Variants in G3BP2 observed in about 807,000 individuals in gnomAD.
G3BP2 encodes the protein ras GTPase-activating protein-binding protein 2.
A neutral mutation model predicts 56.7 loss-of-function variants in G3BP2; 11 were observed. That is an observed-to-expected ratio of 0.19 (90% CI 0.12 to 0.32). The LOEUF (loss-of-function observed/expected upper bound fraction) is 0.32, where lower values mean the gene tolerates loss of function less well. Ranked by LOEUF, G3BP2 falls within the 10% of genes least tolerant of loss-of-function variation. The pLI, the probability that G3BP2 is intolerant of heterozygous loss-of-function variation, is 1.00. For synonymous variants in G3BP2, 165 were observed against 191.6 expected, an observed-to-expected ratio of 0.86 and a Z score of 1.15; for missense variants, 340 against 610.9, an observed-to-expected ratio of 0.56 and a Z score of 4.67.
chr4:75,647,607 TTAAG>T (rs565731501), intron 9 of G3BP2, among the ~76,000 whole-genome samples: 364 of 152,350 alleles, frequency 2.4e-3, no homozygotes, highest in African/African-American at 8.3e-3. Context: ...TCTATACATA[TTAAG>T]TGTGTATGTA....
intron 3 of G3BP2, among the ~76,000 whole-genome samples, chr4:75,689,503 T>C (rs1718763474): frequency 6.6e-6 from 1 of 152,242 alleles, no homozygotes; most frequent in Non-Finnish European, 1.5e-5. Flanking sequence ...TAGTAAATCA[T>C]TTTGAATTTA....
At chr4:75,690,307 G>A (rs1464351104) in intron 3 of G3BP2, among the ~76,000 whole-genome samples, 1 of 152,104 alleles carries the variant, frequency 6.6e-6, no homozygotes, top group African/African-American at 2.4e-5. Flanking sequence ...GTGGGCACCT[G>A]TAGTCACAGC....
intron 1 of G3BP2, among the ~76,000 whole-genome samples, chr4:75,670,174 T>C (rs1271832203): frequency 6.6e-6 from 1 of 152,220 alleles, no homozygotes; most frequent in African/African-American, 2.4e-5. Flanking sequence ...CACTATAGGA[T>C]ACTTACCCCT....
At chr4:75,700,897 G>C (rs951673568) in intron 3 of G3BP2, among the ~76,000 whole-genome samples, 3 of 152,004 alleles carry the variant, frequency 2.0e-5, no homozygotes, top group Non-Finnish European at 4.4e-5. Context: ...GGAATGCAAT[G>C]GTGCGATCTC....
chr4:75,724,430 G>A (rs907360653), exon 1 of G3BP2: 9 of 256,296 alleles, frequency 3.5e-5, no homozygotes, highest in Admixed American at 1.0e-4. Context: ...GCAGGGCCGG[G>A]CTTCCACCAC....
intron 3 of G3BP2, among the ~76,000 whole-genome samples, chr4:75,693,156 A>C (rs1718942398): frequency 6.6e-6 from 1 of 152,144 alleles, no homozygotes; most frequent in Admixed American, 6.5e-5. Flanking sequence ...AGGCAGGAGA[A>C]TCACTTGAAC....
chr4:75,660,570 T>C (rs1165668655), intron 2 of G3BP2, among the ~76,000 whole-genome samples: 2 of 152,144 alleles, frequency 1.3e-5, no homozygotes, highest in African/African-American at 2.4e-5. Flanking sequence ...ATAATATACA[T>C]ACGTAAAGTA....
chr4:75,720,285 C>A (rs926289353), intron 3 of G3BP2, among the ~76,000 whole-genome samples: 2 of 150,636 alleles, frequency 1.3e-5, no homozygotes, highest in East Asian at 2.0e-4. Context: ...GAGGCCGAGG[C>A]GGGCGGATCA....
chr4:75,656,378 T>C (rs1213316234), intron 5 of G3BP2, among the ~76,000 whole-genome samples: 1 of 152,080 alleles, frequency 6.6e-6, no homozygotes, highest in Non-Finnish European at 1.5e-5. Flanking sequence ...TGAAGTTTAA[T>C]ATTTATTGTA....
intron 1 of G3BP2, among the ~76,000 whole-genome samples, chr4:75,723,638 C>T (rs567844715): frequency 3.5e-4 from 54 of 152,274 alleles, no homozygotes; most frequent in African/African-American, 1.3e-3. Flanking sequence ...TACTACTGAG[C>T]ACGGCACGCA....
chr4:75,645,348 TC>T lies in G3BP2; in HGVS notation c.*81del, dbSNP rs1731137675. On this transcript the variant is annotated 3_prime_UTR_variant, in exon 12 of 12. Transcript: ENST00000359707. Reference sequence around the variant, plus strand: ...AATGATCAAAAAGGCTGTGTCACATTCCAAAGCCAAAAAAAAAATTAACAAG... The same window carrying T: ...AATGATCAAAAAGGCTGTGTCACATTCAAAGCCAAAAAAAAAATTAACAAG... 7.4e-7 allele frequency: 1 copy of T among 1,351,112 alleles called. No homozygotes were observed. Among genetic ancestry groups the T allele is most frequent in the Admixed American group, 2.2e-5 (1 of 44,642 alleles). The allele number at this position is 1,351,112 out of a possible 1,614,324, so 83.7% of individuals were successfully genotyped here. A position where few individuals can be genotyped will look rare whatever the true frequency, so the allele number is the denominator to read the frequency against.
At chr4:75,692,294 T>C (rs1718889944) in intron 3 of G3BP2, among the ~76,000 whole-genome samples, 2 of 152,096 alleles carry the variant, frequency 1.3e-5, no homozygotes, top group Non-Finnish European at 1.5e-5. Context: ...TCTCAGGATT[T>C]GGTAACCAGA....
At chr4:75,667,691 C>T (rs1733163216) in intron 1 of G3BP2, among the ~76,000 whole-genome samples, 1 of 152,108 alleles carries the variant, frequency 6.6e-6, no homozygotes, top group East Asian at 1.9e-4. Flanking sequence ...GAGATCGAGA[C>T]CATCCTGGCT....
At chr4:75,673,889 A>C (rs1394709554), upstream of G3BP2, 1 of 179,288 alleles carries the variant, frequency 5.6e-6, no homozygotes, top group Non-Finnish European at 1.2e-5. Flanking sequence ...AAACTCACCT[A>C]CATTGTTTAC....
intron 8 of G3BP2, among the ~76,000 whole-genome samples, chr4:75,650,516 A>G (rs1020463490): frequency 6.6e-6 from 1 of 151,774 alleles, no homozygotes; most frequent in Non-Finnish European, 1.5e-5. Context: ...ATTAACTCCT[A>G]TGCTAACAGT....
At chr4:75,658,973 A>C (rs115156285) in intron 2 of G3BP2, 49 bp from the exon 3 acceptor site, 21,606 of 1,378,064 alleles carry the variant, frequency 0.016, 319 homozygotes, top group Non-Finnish European at 0.017. Context: ...AGAGAAGCCT[A>C]AGAAGCAGAA....
At chr4:75,697,881 C>A (rs1466794751) in intron 3 of G3BP2, among the ~76,000 whole-genome samples, 4 of 152,178 alleles carry the variant, frequency 2.6e-5, no homozygotes, top group African/African-American at 9.7e-5. Flanking sequence ...CTTCAGTGAG[C>A]CAAGATCGTG....
intron 3 of G3BP2, among the ~76,000 whole-genome samples, chr4:75,720,501 CAAAAA>C (rs34007469): frequency 1.7e-5 from 2 of 115,732 alleles, no homozygotes; most frequent in African/African-American, 3.0e-5. Context: ...GACTCCGTCT[CAAAAA>C]AAAAAAAAAA....
intron 3 of G3BP2, among the ~76,000 whole-genome samples, chr4:75,691,390 T>C (rs967989324): frequency 6.6e-6 from 1 of 152,066 alleles, no homozygotes; most frequent in African/African-American, 2.4e-5. Context: ...TATTCATTTT[T>C]TAGAGATGGG....
Sources: allele counts gnomAD v4.1 joint callset (sites outside exome capture counted in the v4.1 genomes callset), GRCh38; gene constraint gnomAD v4.1.1; transcripts MANE v1.5; gene names NCBI Gene and HGNC (gene_info 2026-07-23, HGNC 2026-07-21).